Variants in PCDHGA10 observed in about 807,000 individuals in gnomAD.
PCDHGA10 encodes protocadherin gamma subfamily A, 10.
A neutral mutation model predicts 59.5 loss-of-function variants in PCDHGA10; 42 were observed. The observed-to-expected ratio is 0.71, with a 90% CI of 0.55 to 0.91. PCDHGA10 has a LOEUF of 0.91. PCDHGA10 is among the 40% of genes least tolerant of loss of function. The pLI is 0.00. For synonymous variants in PCDHGA10, 511 were observed against 517.2 expected (o/e 0.99, Z 0.16); for missense variants, 1,111 against 1,198.2 (o/e 0.93, Z 1.07).
chr5:141,443,788 A>C (rs1468852602), intron 1 of PCDHGA10, among the ~76,000 whole-genome samples: 2 of 152,224 alleles, frequency 1.3e-5, no homozygotes, highest in African/African-American at 4.8e-5. Context: ...AGACAAAAAA[A>C]ATGAAAAGGA....
intron 1 of PCDHGA10, among the ~76,000 whole-genome samples, chr5:141,457,005 A>T (rs2098903361): frequency 6.6e-6 from 1 of 152,146 alleles, no homozygotes; most frequent in Admixed American, 6.5e-5. Flanking sequence ...TGCATTACTA[A>T]ATCCAATAAA....
At position 141,413,806 on chromosome 5, in the gene PCDHGA10, A is replaced by G. The variant is rs775797735; in HGVS notation, c.631A>G (p.Ile211Val). 6.2e-7 allele frequency: 1 copy of G among 1,613,168 alleles called. No individual in the cohort carries two copies. Among genetic ancestry groups the G allele is most frequent in the Non-Finnish European group, 8.5e-7 (1 of 1,179,866 alleles). ...EHSLDREEEA[I>V]HHLVLTASDG... The stretch of plus-strand genomic sequence containing the variant: ...CTCCCTAGATCGCGAGGAAGAGGCC[A>G]TTCACCACCTGGTCCTCACCGCCTC... The change falls in exon 1 of 4, where the codon ATT becomes GTT. Residue 211 changes from isoleucine to valine, a missense_variant. Physicochemically the swap from Ile to Val is conservative, Grantham distance 29. Transcript: ENST00000398610.
At position 141,414,416 on chromosome 5, in the gene PCDHGA10, T is replaced by C. The variant is rs550804810; in HGVS notation, c.1241T>C (p.Leu414Pro). The C allele has an allele frequency of 2.2e-5, 35 of 1,613,902 alleles. No homozygotes were observed. In the South Asian group the frequency reaches 3.5e-4, roughly 16 times the overall value. The change falls in exon 1 of 4, where the codon CTT (leucine) becomes CCT (proline). Residue 414 changes from leucine to proline, a missense_variant. By Grantham distance (98) the Leu-to-Pro change is moderately conservative. Coordinates refer to ENST00000398610, the MANE Select transcript of PCDHGA10 (RefSeq NM_018913.3). ...TACAGATTGGTGATACACAGAGCCCTTGACAGGGAACAGGTATCCTCTTAC... is the reference window on the plus strand; with the variant it reads ...TACAGATTGGTGATACACAGAGCCCCTGACAGGGAACAGGTATCCTCTTAC... Reference protein sequence around the residue: ...SYYRLVIHRALDREQVSSYNI... With the variant: ...SYYRLVIHRAPDREQVSSYNI...
intron 1 of PCDHGA10, chr5:141,421,770 G>A: frequency 6.2e-7 from 1 of 1,613,856 alleles, no homozygotes; most frequent in Non-Finnish European, 8.5e-7. Context: ...ACTTTTCCTT[G>A]CAACTGCGGG....
chr5:141,418,579 A>C, intron 1 of PCDHGA10: 1 of 1,614,000 alleles, frequency 6.2e-7, no homozygotes. Context: ...ACAACCCCCC[A>C]GTGTTCAGCC....
In PCDHGA10 at chr5:141,418,449, A is replaced by G. The variant is rs781224972; in HGVS notation, c.2436+2838A>G. ...GGCAAATATCCAGAATTAGTATTGC[A>G]GAAGACTCTGGACCGAGAAACGCAG... On this transcript the variant is annotated intron_variant, in intron 1 of 3. Coordinates refer to ENST00000398610, the MANE Select transcript of PCDHGA10 (RefSeq NM_018913.3). 8.1e-6 allele frequency: 13 copies of G among 1,613,922 alleles called. No homozygotes were observed. The Admixed American group carries it at 1.2e-4, about 14-fold the overall frequency.
chr5:141,421,505 G>A (rs745883683), intron 1 of PCDHGA10: 3 of 1,614,058 alleles, frequency 1.9e-6, no homozygotes, highest in South Asian at 1.1e-5. Context: ...AGGATAGACC[G>A]GGAGGAGCTC....
intron 1 of PCDHGA10, among the ~76,000 whole-genome samples, chr5:141,480,753 G>A (rs1418880497): frequency 1.3e-5 from 2 of 152,144 alleles, no homozygotes; most frequent in Non-Finnish European, 2.9e-5. Flanking sequence ...ATCATTTTTT[G>A]AAGGTCCCCA....
At position 141,494,838 on chromosome 5, in the gene PCDHGA10, C is replaced by T; in HGVS notation, c.2468C>T (p.Ser823Phe). 4.3e-6 allele frequency: 7 copies of T among 1,614,166 alleles called. No homozygotes were observed. Among genetic ancestry groups the T allele is most frequent in the Non-Finnish European group, 3.4e-6 (4 of 1,180,032 alleles). Residue 823 changes from serine (S) to phenylalanine (F), a missense_variant, in exon 2 of 4, where the codon TCT becomes TTT. By Grantham distance (155) the Ser-to-Phe change is radical. Transcript: ENST00000398610. ...CCGCCCAACACGGACTGGCGTTTCT[C>T]TCAGGCCCAGAGACCCGGCACCAGC... ...QAPPNTDWRF[S>F]QAQRPGTSGS...
At chr5:141,433,150 G>C (rs1466566074) in intron 1 of PCDHGA10, 5 of 1,613,936 alleles carry the variant, frequency 3.1e-6, no homozygotes, top group Middle Eastern at 1.6e-4. Flanking sequence ...CAGGTGATTC[G>C]GTATTTTCTA....
Position 141,493,022 on chromosome 5 carries a change from G to T in PCDHGA10, c.2437-1785G>T, listed in dbSNP as rs1184742888. ...GCTATAGGCTCTGCCAGATGCCAGG[G>T]TGCCCTTATGTGTGAGGAAACTACA... On this transcript the variant is annotated intron_variant, in intron 1 of 3. Transcript: ENST00000398610. The surrounding 1 kb of genome is among the most constrained non-coding windows in gnomAD (Gnocchi z 4.3). Among the ~76,000 whole-genome samples the T allele has an allele frequency of 1.3e-5, 2 of 152,222 alleles. No individual in the cohort carries two copies. Among genetic ancestry groups the T allele is most frequent in the Admixed American group, 1.3e-4 (2 of 15,282 alleles).
chr5:141,500,173 T>G (rs1666567886), intron 2 of PCDHGA10, among the ~76,000 whole-genome samples: 1 of 149,340 alleles, frequency 6.7e-6, no homozygotes, highest in East Asian at 1.9e-4. Context: ...ATGCATGAGC[T>G]TCATTTTTAT....
chr5:141,419,744 G>C (rs760207269), intron 1 of PCDHGA10: 1 of 1,613,896 alleles, frequency 6.2e-7, no homozygotes, highest in Non-Finnish European at 8.5e-7. Context: ...GGTGCGCATG[G>C]TGCGTGCTTT....
intron 1 of PCDHGA10, chr5:141,422,201 G>T (rs764621323): frequency 1.9e-6 from 3 of 1,562,386 alleles, no homozygotes; most frequent in Admixed American, 2.0e-5. Flanking sequence ...GGCCAAGATG[G>T]TGGAGGTCTC....
chr5:141,433,406 T>TC (rs397794347), intron 1 of PCDHGA10, among the ~76,000 whole-genome samples: 446 of 150,100 alleles, frequency 3.0e-3, no homozygotes, highest in African/African-American at 0.01. Context: ...TATCTATCTA[T>TC]TACTTTCTTG....
rs1436956912 is a variant in PCDHGA10, at chr5:141,438,609, TATATATATATATATATATATATATATAC to T, written c.2436+23000_2436+23027del. Reference sequence around the variant, plus strand: ...ATACATACATATATATATATATATATATATATATATATATATATATATATATACACACACACACACACATATATGTATA... The same window carrying T: ...ATACATACATATATATATATATATATACACACACACACACATATATGTATA... On this transcript the variant is annotated intron_variant, in intron 1 of 3. Coordinates refer to ENST00000398610, the MANE Select transcript of PCDHGA10 (RefSeq NM_018913.3). Among the ~76,000 whole-genome samples the T allele has an allele frequency of 2.2e-3, 92 of 41,082 alleles. 2 individuals are homozygous for T. Among genetic ancestry groups the T allele is most frequent in the East Asian group, 7.4e-3 (6 of 810 alleles). The allele number at this position is 41,082 out of a possible 152,430, so 27.0% of individuals were successfully genotyped here.
chr5:141,482,891 G>A (rs1594277958), intron 1 of PCDHGA10, among the ~76,000 whole-genome samples: 2 of 152,168 alleles, frequency 1.3e-5, no homozygotes, highest in East Asian at 3.8e-4. Flanking sequence ...GGCCAACATG[G>A]TGAAACCTCA....
At chr5:141,418,000 G>A (rs758811293) in intron 1 of PCDHGA10, 6 of 1,613,902 alleles carry the variant, frequency 3.7e-6, no homozygotes, top group Admixed American at 1.7e-5. Context: ...GCTCGGTGGT[G>A]GGGAACCTCG....
At chr5:141,464,657 T>G (rs575409062) in intron 1 of PCDHGA10, among the ~76,000 whole-genome samples, 1 of 152,312 alleles carries the variant, frequency 6.6e-6, no homozygotes, top group South Asian at 2.1e-4. Context: ...GGTAAAAAGA[T>G]ATCTCCAAAT....
Sources: gnomAD v4.1 joint callset for allele counts (sites outside exome capture counted in the v4.1 genomes callset) on GRCh38, gnomAD v4.1.1 for gene constraint, Gnocchi (gnomAD v3.1) non-coding constraint, MANE v1.5 for transcripts, NCBI Gene and HGNC (gene_info 2026-07-23, HGNC 2026-07-21) for gene names.